Variants in CADPS2 observed in about 807,000 individuals in gnomAD.
The protein encoded by CADPS2 is calcium dependent secretion activator 2, also known as calcium-dependent secretion activator 2.
A neutral mutation model predicts 172.5 loss-of-function variants in CADPS2; 93 were observed. The ratio of observed to expected loss-of-function variants is 0.54; its 90% confidence interval spans 0.46 to 0.64. The LOEUF (loss-of-function observed/expected upper bound fraction) is 0.64. CADPS2 is among the 30% of genes least tolerant of loss of function. CADPS2 has a pLI of 0.00. For missense variants in CADPS2, 1,420 were observed against 1,565.9 expected (o/e 0.91, Z 1.57); for synonymous variants, 546 against 555.2 (o/e 0.98, Z 0.23).
intron 1 of CADPS2, among the ~76,000 whole-genome samples, chr7:122,843,128 A>C (rs2140956987): frequency 6.6e-6 from 1 of 152,340 alleles, no homozygotes; most frequent in South Asian, 2.1e-4. Context: ...TGGAAAAACA[A>C]AAGCCTTCAT....
intron 2 of CADPS2, among the ~76,000 whole-genome samples, chr7:122,720,170 G>A (rs564507577): frequency 6.6e-6 from 1 of 151,924 alleles, no homozygotes; most frequent in Non-Finnish European, 1.5e-5. Context: ...CAGACCTAAC[G>A]AGTCATTCTA....
chr7:122,757,640 G>C (rs753591438), intron 1 of CADPS2, among the ~76,000 whole-genome samples: 1 of 151,708 alleles, frequency 6.6e-6, no homozygotes, highest in Non-Finnish European at 1.5e-5. Context: ...AAAAATTATT[G>C]ATCAACACTC....
intron 20 of CADPS2, among the ~76,000 whole-genome samples, chr7:122,395,214 C>G (rs971600245): frequency 6.6e-6 from 1 of 152,098 alleles, no homozygotes; most frequent in Non-Finnish European, 1.5e-5. Context: ...TTATGCGTTT[C>G]TGAAATTTCT....
chr7:122,876,945 C>T (rs1172524833), intron 1 of CADPS2, among the ~76,000 whole-genome samples: 3 of 151,954 alleles, frequency 2.0e-5, no homozygotes, highest in African/African-American at 4.8e-5. Context: ...AAAAACTATT[C>T]TAGAGCACAT....
chr7:122,509,326 C>T (rs913974647), intron 9 of CADPS2, among the ~76,000 whole-genome samples: 2 of 152,176 alleles, frequency 1.3e-5, no homozygotes, highest in Non-Finnish European at 2.9e-5. Flanking sequence ...TGACTGTTTA[C>T]ATCCCGTGCC....
chr7:122,688,965 T>C (rs912914783), intron 2 of CADPS2, among the ~76,000 whole-genome samples: 4 of 152,108 alleles, frequency 2.6e-5, no homozygotes, highest in Non-Finnish European at 5.9e-5. Flanking sequence ...TTTGGGTACA[T>C]AGGTTTGATA....
At chr7:122,782,749 T>C (rs896944166) in intron 1 of CADPS2, among the ~76,000 whole-genome samples, 1 of 152,250 alleles carries the variant, frequency 6.6e-6, no homozygotes, top group African/African-American at 2.4e-5. Flanking sequence ...AATGTACTGA[T>C]ACATGGATTT....
intron 1 of CADPS2, among the ~76,000 whole-genome samples, chr7:122,767,842 T>C (rs556299685): frequency 2.0e-5 from 3 of 152,324 alleles, no homozygotes; most frequent in South Asian, 2.1e-4. Flanking sequence ...TAGTAGAACG[T>C]AGATGATCTG....
intron 3 of CADPS2, among the ~76,000 whole-genome samples, chr7:122,659,323 A>AAAAG (rs1173827334): frequency 1.3e-5 from 2 of 151,020 alleles, no homozygotes; most frequent in African/African-American, 4.8e-5. Context: ...AAAAAAAAAA[A>AAAAG]AAACACCGTG....
At chr7:122,756,110 G>A (rs1332823147) in intron 1 of CADPS2, among the ~76,000 whole-genome samples, 1 of 152,140 alleles carries the variant, frequency 6.6e-6, no homozygotes, top group Non-Finnish European at 1.5e-5. Flanking sequence ...TTAGAACACT[G>A]AAAATACTTT....
chr7:122,328,821 A>T (rs1444426859), intron 28 of CADPS2, among the ~76,000 whole-genome samples: 1 of 152,162 alleles, frequency 6.6e-6, no homozygotes, highest in Non-Finnish European at 1.5e-5. Flanking sequence ...TCATATTAGC[A>T]GCCCGCCTCC....
chr7:122,620,173 T>C (rs1465024263), intron 5 of CADPS2, among the ~76,000 whole-genome samples: 4 of 152,266 alleles, frequency 2.6e-5, no homozygotes, highest in African/African-American at 9.6e-5. Context: ...AATCAGCAAA[T>C]GCAAATGGCA....
intron 1 of CADPS2, among the ~76,000 whole-genome samples, chr7:122,852,476 G>C (rs1813933906): frequency 6.6e-6 from 1 of 152,174 alleles, no homozygotes; most frequent in Admixed American, 6.5e-5. Context: ...CTTACAGATG[G>C]GTAGAAGTGT....
intron 14 of CADPS2, among the ~76,000 whole-genome samples, chr7:122,467,342 G>A (rs940524335): frequency 3.3e-5 from 5 of 152,088 alleles, no homozygotes; most frequent in Admixed American, 2.6e-4. Context: ...AATTATCTAC[G>A]TTGTTTCTCA....
chr7:122,329,667 C>A (rs540395558), intron 28 of CADPS2, among the ~76,000 whole-genome samples: 1 of 152,270 alleles, frequency 6.6e-6, no homozygotes, highest in Admixed American at 6.5e-5. Flanking sequence ...GAGGATGATT[C>A]AATTAAATAT....
intron 1 of CADPS2, among the ~76,000 whole-genome samples, chr7:122,825,625 T>A (rs778755350): frequency 6.6e-6 from 1 of 152,218 alleles, no homozygotes; most frequent in Non-Finnish European, 1.5e-5. Context: ...TATTATATAT[T>A]GTTTTGACTC....
chr7:122,654,716 A>C (rs1402268796), intron 3 of CADPS2, among the ~76,000 whole-genome samples: 1 of 152,216 alleles, frequency 6.6e-6, no homozygotes, highest in Non-Finnish European at 1.5e-5. Context: ...CTGCTAACAT[A>C]AGATCCATTC....
At chr7:122,582,428 CT>C (rs568397627) in intron 6 of CADPS2, among the ~76,000 whole-genome samples, 4 of 150,930 alleles carry the variant, frequency 2.7e-5, no homozygotes, top group South Asian at 2.1e-4. Flanking sequence ...TAGATGCAGT[CT>C]TTTTTTTTGA....
intron 2 of CADPS2, among the ~76,000 whole-genome samples, chr7:122,708,843 C>CG (rs931350723): frequency 6.6e-6 from 1 of 151,362 alleles, no homozygotes; most frequent in African/African-American, 2.4e-5. Context: ...TGGGAAGTAA[C>CG]GGGGGGAAAA....
Sources: gnomAD v4.1 joint callset for allele counts (sites outside exome capture counted in the v4.1 genomes callset) on GRCh38, gnomAD v4.1.1 for gene constraint, MANE v1.5 for transcripts, NCBI Gene and HGNC (gene_info 2026-07-23, HGNC 2026-07-21) for gene names.